DAB1: variants seen among roughly 807,000 people sequenced by gnomAD.
DAB1 encodes DAB adaptor protein 1.
Under a neutral mutation model 64.6 loss-of-function variants are expected in DAB1, and 15 were observed. That is an observed-to-expected ratio of 0.23 (90% confidence interval 0.16 to 0.36). The LOEUF (loss-of-function observed/expected upper bound fraction) is 0.36. DAB1 is among the 10% of genes least tolerant of loss of function. The pLI is 1.00. For missense variants in DAB1, 596 were observed against 706.7 expected, an observed-to-expected ratio of 0.84 and a Z score of 1.78; for synonymous variants, 235 against 251.9, an observed-to-expected ratio of 0.93 and a Z score of 0.64.
intron 5 of DAB1, among the ~76,000 whole-genome samples, chr1:58,102,216 C>T (rs936853649): frequency 5.3e-5 from 8 of 152,248 alleles, no homozygotes; most frequent in Non-Finnish European, 7.3e-5. Flanking sequence ...TTTTGACCCA[C>T]AACTCTGTCC....
chr1:57,781,713 GAAAAAAAA>G (rs3081035), intron 6 of DAB1, among the ~76,000 whole-genome samples: 9,977 of 135,668 alleles, frequency 0.074, 1,167 homozygotes, highest in African/African-American at 0.25. Flanking sequence ...AAGCAATTGA[GAAAAAAAA>G]AAAAAAAAAG....
chr1:57,494,625 G>A (rs891307067), intron 7 of DAB1, among the ~76,000 whole-genome samples: 6 of 152,164 alleles, frequency 3.9e-5, no homozygotes, highest in Non-Finnish European at 7.3e-5. Context: ...TGTATAAGTA[G>A]GCAAACATCT....
intron 7 of DAB1, among the ~76,000 whole-genome samples, chr1:57,480,151 CAAA>C (rs745322461): frequency 2.0e-5 from 2 of 100,554 alleles, no homozygotes. Context: ...AACTCCGTCT[CAAA>C]AAAAAAAAAA....
intron 7 of DAB1, among the ~76,000 whole-genome samples, chr1:57,439,418 G>GTTTTTTGTT: frequency 4.3e-5 from 5 of 116,140 alleles, no homozygotes; most frequent in African/African-American, 7.1e-5. Context: ...TGGTGATGAG[G>GTTTTTTGTT]TTTTTTCTTT....
intron 4 of DAB1, among the ~76,000 whole-genome samples, chr1:58,190,342 C>T (rs1186374800): frequency 1.1e-4 from 16 of 152,202 alleles, no homozygotes; most frequent in Admixed American, 1.0e-3. Flanking sequence ...GTTCCTGACA[C>T]TGACAACACC....
At chr1:58,439,228 C>T (rs1429010851) in intron 3 of DAB1, among the ~76,000 whole-genome samples, 7 of 152,078 alleles carry the variant, frequency 4.6e-5, no homozygotes, top group African/African-American at 1.7e-4. Flanking sequence ...ATTCAGTTAA[C>T]TGATGTATCC....
chr1:57,910,308 C>G (rs1406789770), intron 5 of DAB1, among the ~76,000 whole-genome samples: 1 of 152,140 alleles, frequency 6.6e-6, no homozygotes, highest in African/African-American at 2.4e-5. Flanking sequence ...TACTGCTGAG[C>G]AGTGTATACA....
At chr1:57,032,650 C>G (rs1647000484) in intron 9 of DAB1, among the ~76,000 whole-genome samples, 1 of 152,120 alleles carries the variant, frequency 6.6e-6, no homozygotes, top group African/African-American at 2.4e-5. Context: ...TGCCTGGTTC[C>G]CACCCCTAAA....
At chr1:57,193,450 G>A (rs1569842857) in intron 2 of DAB1, among the ~76,000 whole-genome samples, 1 of 137,352 alleles carries the variant, frequency 7.3e-6, no homozygotes, top group East Asian at 2.2e-4. Context: ...GCAGTGGCGC[G>A]ATCTCGGCTC....
intron 1 of DAB1, among the ~76,000 whole-genome samples, chr1:57,313,757 T>C (rs1674942082): frequency 6.6e-6 from 1 of 152,212 alleles, no homozygotes; most frequent in Non-Finnish European, 1.5e-5. Context: ...ATGCCCCCTC[T>C]TCCTGCAAAC....
intron 4 of DAB1, among the ~76,000 whole-genome samples, chr1:58,312,341 G>T (rs756297609): frequency 6.6e-6 from 1 of 152,152 alleles, no homozygotes; most frequent in Non-Finnish European, 1.5e-5. Flanking sequence ...AGAACAATTC[G>T]TCATGTAAAT....
chr1:57,202,258 G>A (rs1665164000), intron 2 of DAB1, among the ~76,000 whole-genome samples: 1 of 152,160 alleles, frequency 6.6e-6, no homozygotes. Flanking sequence ...TGTGCTTGCA[G>A]GTGCAAAAAA....
intron 4 of DAB1, among the ~76,000 whole-genome samples, chr1:58,256,737 A>AG (rs35629232): frequency 0.087 from 13,162 of 152,124 alleles, 591 homozygotes; most frequent in African/African-American, 0.12. Flanking sequence ...TAGCCCCAAA[A>AG]TCTATAGACT....
intron 4 of DAB1, among the ~76,000 whole-genome samples, chr1:58,220,241 T>A (rs1357099464): frequency 6.6e-6 from 1 of 152,100 alleles, no homozygotes; most frequent in Non-Finnish European, 1.5e-5. Context: ...AGTGGGTAAT[T>A]CTCTATTTTG....
intron 2 of DAB1, among the ~76,000 whole-genome samples, chr1:57,234,891 A>C (rs1159829341): frequency 6.6e-6 from 1 of 152,188 alleles, no homozygotes; most frequent in Non-Finnish European, 1.5e-5. Flanking sequence ...GACTCCCTCC[A>C]TCTTCAAACC....
intron 5 of DAB1, among the ~76,000 whole-genome samples, chr1:58,056,841 C>G (rs1557630297): frequency 6.6e-6 from 1 of 152,110 alleles, no homozygotes; most frequent in African/African-American, 2.4e-5. Flanking sequence ...CCAAAAGTCA[C>G]TGCTCTGCTC....
intron 1 of DAB1, among the ~76,000 whole-genome samples, chr1:58,543,191 T>C (rs1304877394): frequency 6.6e-6 from 1 of 152,192 alleles, no homozygotes. Flanking sequence ...TTCAATGAGT[T>C]TCTGTATTCT....
chr1:57,837,117 A>G (rs1652841588), intron 1 of DAB1, among the ~76,000 whole-genome samples: 1 of 152,180 alleles, frequency 6.6e-6, no homozygotes, highest in African/African-American at 2.4e-5. Context: ...AGGCTACAAC[A>G]GTAGTCTCAT....
intron 3 of DAB1, among the ~76,000 whole-genome samples, chr1:58,368,046 G>A (rs1644232036): frequency 6.6e-6 from 1 of 152,192 alleles, no homozygotes; most frequent in South Asian, 2.1e-4. Flanking sequence ...GGAATGGTCT[G>A]TGTCACTATA....
Sources: allele counts gnomAD v4.1 joint callset (sites outside exome capture counted in the v4.1 genomes callset), GRCh38; gene constraint gnomAD v4.1.1; transcripts MANE v1.5; gene names NCBI Gene and HGNC (gene_info 2026-07-23, HGNC 2026-07-21).